Variants in ZBTB25 observed in about 807,000 individuals in gnomAD.
ZBTB25 encodes the protein zinc finger and BTB domain-containing protein 25.
A neutral mutation model predicts 34.2 loss-of-function variants in ZBTB25; 20 were observed. The ratio of observed to expected loss-of-function variants is 0.58; its 90% CI spans 0.41 to 0.85. ZBTB25 has a LOEUF of 0.85. Ranked by LOEUF, ZBTB25 falls within the 40% of genes least tolerant of loss-of-function variation. The pLI is 0.00. For missense variants in ZBTB25, 437 were observed against 521.8 expected, an observed-to-expected ratio of 0.84 and a Z score of 1.58; for synonymous variants, 175 against 186.4, an observed-to-expected ratio of 0.94 and a Z score of 0.50.
downstream of ZBTB25, among the ~76,000 whole-genome samples, chr14:64,474,959 T>A (rs959152735): frequency 6.6e-6 from 1 of 152,210 alleles, no homozygotes; most frequent in African/African-American, 2.4e-5. Flanking sequence ...CTCTATCTTT[T>A]CGTAACCACA....
In ZBTB25 at chr14:64,486,731, G is replaced by A; in HGVS notation, c.*192C>T. On this transcript the variant is annotated 3_prime_UTR_variant, in exon 3 of 3. Coordinates refer to ENST00000608382, the MANE Select transcript of ZBTB25 (RefSeq NM_006977.5). ...TTGTGAAAAGTTCACAGTAGTAATT[G>A]AATGTTACATTTTAATAGCCACATA... is the stretch of plus-strand genomic sequence containing the variant. 8.0e-7 allele frequency: 1 copy of A among 1,249,812 alleles called. No homozygotes were observed. The highest frequency in any genetic ancestry group is 1.0e-6 in the Non-Finnish European group (1 of 992,300). The allele number at this position is 1,249,812 out of a possible 1,614,324, so 77.4% of individuals were successfully genotyped here. A position where few individuals can be genotyped will look rare whatever the true frequency, so the allele number is the denominator to read the frequency against.
chr14:64,471,700 T>C (rs1473237298), intron 2 of ZBTB25: 3 of 161,364 alleles, frequency 1.9e-5, no homozygotes, highest in African/African-American at 4.9e-5. Context: ...GTGTTACTAC[T>C]TGAAACAGAT....
chr14:64,463,518 TG>T (rs1458312388), intron 2 of ZBTB25: 4 of 151,580 alleles, frequency 2.6e-5, no homozygotes, highest in Admixed American at 2.0e-4. Flanking sequence ...AGGCCAGGCA[TG>T]GGGGCTCACA....
chr14:64,488,108 C>G, intron 2 of ZBTB25, 51 bp from the exon 3 acceptor site: 1 of 1,575,976 alleles, frequency 6.3e-7, no homozygotes, highest in Non-Finnish European at 8.6e-7. Context: ...ACCTAGCTGG[C>G]CTTTCAGTTA....
At chr14:64,453,624 T>TTATGTA (rs1193899278) in intron 2 of ZBTB25, 5 of 692,910 alleles carry the variant, frequency 7.2e-6, no homozygotes, top group Non-Finnish European at 1.3e-5. Flanking sequence ...AACTATTTGC[T>TTATGTA]TATGTATATG....
downstream of ZBTB25, chr14:64,474,373 CT>C (rs2078701729): frequency 6.0e-6 from 1 of 166,930 alleles, no homozygotes; most frequent in Admixed American, 6.5e-5. Flanking sequence ...TTCATTTTTT[CT>C]CATTAAAATT....
In ZBTB25 at chr14:64,479,469, T is replaced by C. The variant is rs899927226; in HGVS notation, c.*7454A>G. 8 of 152,268 alleles carry C rather than the reference T, an allele frequency of 5.3e-5. No homozygotes were observed. The highest frequency in any genetic ancestry group is 1.7e-4 in the African/African-American group (7 of 41,458). 9.4% of individuals were successfully genotyped at this position (152,268 alleles called of 1,614,324 possible). ...TTTATGTGTCCAAATGACTGGGCCA[T>C]GGGCTGCCCCAATAGTTAGTCAAAC... is the stretch of plus-strand genomic sequence containing the variant. On this transcript the variant is annotated 3_prime_UTR_variant, in exon 3 of 3. Coordinates refer to ENST00000608382, the MANE Select transcript of ZBTB25 (RefSeq NM_006977.5).
At chr14:64,502,903 G>A in intron 1 of ZBTB25, 3 of 985,398 alleles carry the variant, frequency 3.0e-6, no homozygotes, top group Non-Finnish European at 3.6e-6. Flanking sequence ...TTACATACAT[G>A]ACAGAATCTT....
At chr14:64,488,096 C>A in intron 2 of ZBTB25, 39 bp from the exon 3 acceptor site, 2 of 1,588,714 alleles carry the variant, frequency 1.3e-6, no homozygotes, top group South Asian at 1.1e-5. Flanking sequence ...AAATGAAACA[C>A]AACCTAGCTG....
intron 2 of ZBTB25, chr14:64,457,983 T>C (rs1480356927): frequency 3.4e-6 from 2 of 592,566 alleles, no homozygotes; most frequent in Non-Finnish European, 6.0e-6. Context: ...CTCAACCTCC[T>C]AGCCTCAAGC....
chr14:64,489,016 G>A (rs1483158018), intron 2 of ZBTB25, among the ~76,000 whole-genome samples: 3 of 152,226 alleles, frequency 2.0e-5, no homozygotes, highest in African/African-American at 4.8e-5. Flanking sequence ...GGAGGCCGAG[G>A]CAGGTGGATC....
chr14:64,462,589 G>A (rs2078566674), intron 2 of ZBTB25: 2 of 152,042 alleles, frequency 1.3e-5, no homozygotes, highest in African/African-American at 4.8e-5. Context: ...CCCCTTATTA[G>A]TAATATTACT....
At chr14:64,475,951 A>G (rs368089832), downstream of ZBTB25, among the ~76,000 whole-genome samples, 14 of 152,304 alleles carry the variant, frequency 9.2e-5, 2 homozygotes, top group East Asian at 2.1e-3. Context: ...CAGTGCTACT[A>G]TGGGAGAAGG....
At position 64,468,609 on chromosome 14, in the gene ZBTB25, C is replaced by T. The variant is rs993183386; in HGVS notation, c.174-18971G>A. On this transcript the variant is annotated intron_variant, in intron 2 of 2. Transcript: ENST00000555220. ...CAAGAAGCAGGAGCTTCTGATCAGC[C>T]AGAGCCCACACGGGGGGCCTGGGCC... 5.0e-6 allele frequency: 8 copies of T among 1,613,746 alleles called. No individual in the cohort carries two copies. The highest frequency in any genetic ancestry group is 1.3e-5 in the African/African-American group (1 of 74,910).
At position 64,503,697 on chromosome 14, in the gene ZBTB25, G is replaced by A. The variant is rs1301807101; in HGVS notation, c.-44C>T. 9.0e-6 allele frequency: 7 copies of A among 780,094 alleles called. No individual in the cohort carries two copies. Among genetic ancestry groups the A allele is most frequent in the East Asian group, 2.6e-4 (2 of 7,814 alleles). 48.3% of individuals were successfully genotyped at this position (780,094 alleles called of 1,614,324 possible). A position where few individuals can be genotyped will look rare whatever the true frequency, so the allele number is the denominator to read the frequency against. Reference sequence around the variant, plus strand: ...CGCGGCGGCAGGCCGACTCCTCCGTGCAGGAGGGGCGGGCTCCCAAGCCGC... The same window carrying A: ...CGCGGCGGCAGGCCGACTCCTCCGTACAGGAGGGGCGGGCTCCCAAGCCGC... On this transcript the variant is annotated 5_prime_UTR_variant, in exon 1 of 3. Transcript: ENST00000608382.
intron 2 of ZBTB25, chr14:64,468,418 T>C: frequency 6.2e-7 from 1 of 1,603,372 alleles, no homozygotes; most frequent in African/African-American, 1.3e-5. Context: ...TTTCAGAAAT[T>C]CATGTAGAAA....
chr14:64,449,473 A>G, exon 3 of ZBTB25: 1 of 1,613,850 alleles, frequency 6.2e-7, no homozygotes, highest in Non-Finnish European at 8.5e-7. Flanking sequence ...GCTGGACCTC[A>G]TCAGCCGCCT....
At chr14:64,449,526 C>G in exon 3 of ZBTB25, 1 of 1,614,226 alleles carries the variant, frequency 6.2e-7, no homozygotes. Context: ...AGTGCACTCA[C>G]TGGGCAGAAG....
rs1244273605 is a variant in ZBTB25, at chr14:64,483,049, T to A, written c.*3874A>T. The A allele has an allele frequency of 6.6e-6, 1 of 152,238 alleles. No homozygotes were observed. The highest frequency in any genetic ancestry group is 1.5e-5 in the Non-Finnish European group (1 of 68,040). The allele number at this position is 152,238 out of a possible 1,614,324, so 9.4% of individuals were successfully genotyped here. A position where few individuals can be genotyped will look rare whatever the true frequency, so the allele number is the denominator to read the frequency against. On this transcript the variant is annotated 3_prime_UTR_variant, in exon 3 of 3. Transcript: ENST00000608382. ...TAAGAACAAATACTAAAACAGTCTC[T>A]ATTTTTCTCCAGAAAACAACTGCGT...
Sources: allele counts gnomAD v4.1 joint callset (sites outside exome capture counted in the v4.1 genomes callset), GRCh38; gene constraint gnomAD v4.1.1; transcripts MANE v1.5; gene names NCBI Gene and HGNC (gene_info 2026-07-23, HGNC 2026-07-21).